The following GRIN2A variants were observed in gnomAD, a reference collection of about 807,000 sequenced individuals.
GRIN2A encodes the protein glutamate receptor ionotropic, NMDA 2A.
GRIN2A carries 22 observed loss-of-function variants against 113.4 expected under a neutral mutation model. That is an observed-to-expected ratio of 0.19 (90% confidence interval 0.14 to 0.28). The LOEUF (loss-of-function observed/expected upper bound fraction) is 0.28, where lower values mean the gene tolerates loss of function less well. Ranked by LOEUF, GRIN2A falls within the 10% of genes least tolerant of loss-of-function variation. The probability of loss-of-function intolerance (pLI) is 1.00; values close to 1 mark genes in which losing one functional copy is unlikely to be tolerated. For missense variants in GRIN2A, 1,502 were observed against 1,887.0 expected, an observed-to-expected ratio of 0.80 and a Z score of 3.78; for synonymous variants, 827 against 738.4, an observed-to-expected ratio of 1.12 and a Z score of -1.94.
At chr16:9,987,276 TA>T (rs1278324215) in intron 2 of GRIN2A, among the ~76,000 whole-genome samples, 7 of 152,376 alleles carry the variant, frequency 4.6e-5, no homozygotes, top group African/African-American at 1.7e-4. Context: ...ACAGATGGCC[TA>T]AAGACTTTTT....
intron 7 of GRIN2A, 72 bp from the exon 8 acceptor site, chr16:9,834,302 A>T: frequency 6.7e-7 from 1 of 1,491,194 alleles, no homozygotes; most frequent in Non-Finnish European, 9.4e-7. Flanking sequence ...GGAAGCCCAG[A>T]CATCCATTTG....
At chr16:9,882,516 G>A (rs1046174124) in intron 4 of GRIN2A, among the ~76,000 whole-genome samples, 10 of 152,190 alleles carry the variant, frequency 6.6e-5, no homozygotes, top group African/African-American at 2.4e-4. Flanking sequence ...GCCGGGTGCG[G>A]TGCCTCATGC....
intron 2 of GRIN2A, among the ~76,000 whole-genome samples, chr16:10,127,196 C>T (rs1403373951): frequency 6.6e-6 from 1 of 151,646 alleles, no homozygotes; most frequent in Admixed American, 6.6e-5. Flanking sequence ...CGTGCCACTC[C>T]ACTCCAGCCT....
chr16:10,068,288 C>G (rs2047686467), intron 2 of GRIN2A, among the ~76,000 whole-genome samples: 1 of 152,170 alleles, frequency 6.6e-6, no homozygotes, highest in Non-Finnish European at 1.5e-5. Flanking sequence ...AAAGAAATAC[C>G]TCAGACTGGG....
intron 2 of GRIN2A, among the ~76,000 whole-genome samples, chr16:10,155,807 T>C (rs979678252): frequency 2.0e-5 from 3 of 152,146 alleles, no homozygotes; most frequent in Non-Finnish European, 4.4e-5. Flanking sequence ...AACCATCAGA[T>C]CTTGTGAGAC....
At chr16:10,032,298 A>G (rs2046944413) in intron 2 of GRIN2A, among the ~76,000 whole-genome samples, 1 of 152,246 alleles carries the variant, frequency 6.6e-6, no homozygotes, top group South Asian at 2.1e-4. Flanking sequence ...CTTCAATGAC[A>G]TAAAATGGAT....
chr16:10,086,958 TTGAGCA>T (rs1323362089), intron 2 of GRIN2A, among the ~76,000 whole-genome samples: 2 of 152,214 alleles, frequency 1.3e-5, no homozygotes, highest in African/African-American at 4.8e-5. Context: ...TGGTTTTCTC[TTGAGCA>T]TGAATGAAGT....
chr16:10,068,176 C>G (rs1439478489), intron 2 of GRIN2A, among the ~76,000 whole-genome samples: 1 of 152,234 alleles, frequency 6.6e-6, no homozygotes, highest in Non-Finnish European at 1.5e-5. Context: ...CTTTAACCAA[C>G]ATGTATTGAG....
intron 2 of GRIN2A, among the ~76,000 whole-genome samples, chr16:10,125,747 A>C (rs970533499): frequency 4.5e-4 from 68 of 152,018 alleles, no homozygotes; most frequent in African/African-American, 1.6e-3. Flanking sequence ...CTACCCTGGG[A>C]AAGTGGATGG....
At chr16:9,990,042 A>C in intron 2 of GRIN2A, among the ~76,000 whole-genome samples, 1 of 152,222 alleles carries the variant, frequency 6.6e-6, no homozygotes, top group Non-Finnish European at 1.5e-5. Flanking sequence ...GTATATGCCC[A>C]AAGGAAAATA....
chr16:10,182,468 C>G (rs1357840861), upstream of GRIN2A: 2 of 152,156 alleles, frequency 1.3e-5, no homozygotes, highest in Non-Finnish European at 2.9e-5. Flanking sequence ...GAGTTTGTGA[C>G]GAGCCAGCAG....
At chr16:9,923,609 T>G (rs1413579700) in intron 3 of GRIN2A, among the ~76,000 whole-genome samples, 15 of 152,176 alleles carry the variant, frequency 9.9e-5, no homozygotes, top group Non-Finnish European at 2.1e-4. Flanking sequence ...TTAGAGTTTA[T>G]AGTATATATT....
At chr16:10,061,675 C>T (rs956850326) in intron 2 of GRIN2A, among the ~76,000 whole-genome samples, 5 of 152,094 alleles carry the variant, frequency 3.3e-5, no homozygotes, top group Admixed American at 3.3e-4. Context: ...GCCTCTTTTC[C>T]GAACTCTTAG....
At position 9,852,591 on chromosome 16, in the gene GRIN2A, A is replaced by G. The variant is rs115275058; in HGVS notation, c.1123-2630T>C. ...CATGGGTCAGCCAAGGAGGTTGAAG[A>G]TGAGTGGTAGGTAGAGAGAACTCGA... is the stretch of plus-strand genomic sequence containing the variant. On this transcript the variant is annotated intron_variant, in intron 4 of 12. Coordinates refer to ENST00000330684, the MANE Select transcript of GRIN2A (RefSeq NM_001134407.3). Among the ~76,000 whole-genome samples, 374 of 152,286 alleles carry G rather than the reference A, an allele frequency of 2.5e-3. 1 individual carries two copies. Among genetic ancestry groups the G allele is most frequent in the African/African-American group, 8.7e-3 (360 of 41,564 alleles).
intron 2 of GRIN2A, among the ~76,000 whole-genome samples, chr16:10,129,372 T>TA (rs35049231): frequency 2.0e-5 from 3 of 151,856 alleles, no homozygotes; most frequent in African/African-American, 7.3e-5. Context: ...GGAGTTTGAT[T>TA]AAAAAAAAAA....
chr16:9,795,610 A>G (rs1902934013), intron 11 of GRIN2A, among the ~76,000 whole-genome samples: 1 of 152,194 alleles, frequency 6.6e-6, no homozygotes, highest in East Asian at 1.9e-4. Context: ...TGTAACTACA[A>G]TGGTGATGGC....
intron 3 of GRIN2A, among the ~76,000 whole-genome samples, chr16:9,904,355 C>CTCTTTT (rs899789777): frequency 7.2e-5 from 11 of 152,086 alleles, no homozygotes; most frequent in South Asian, 2.1e-4. Flanking sequence ...ATGTCTCCTC[C>CTCTTTT]TCTTTTTCTT....
chr16:9,976,043 A>G (rs2045768099), intron 2 of GRIN2A, among the ~76,000 whole-genome samples: 19 of 152,206 alleles, frequency 1.2e-4, no homozygotes, highest in Admixed American at 1.2e-3. Flanking sequence ...CAACTCCACA[A>G]TCACAGTTTC....
At chr16:9,907,675 G>GT (rs2044053034) in intron 3 of GRIN2A, among the ~76,000 whole-genome samples, 1 of 151,944 alleles carries the variant, frequency 6.6e-6, no homozygotes, top group Non-Finnish European at 1.5e-5. Flanking sequence ...AAAATCACAA[G>GT]TCTCATTTAA....
Sources: gnomAD v4.1 joint callset for allele counts (sites outside exome capture counted in the v4.1 genomes callset) on GRCh38, gnomAD v4.1.1 for gene constraint, MANE v1.5 for transcripts, NCBI Gene and HGNC (gene_info 2026-07-23, HGNC 2026-07-21) for gene names.